The following USP19 variants were observed in gnomAD, a reference collection of about 807,000 sequenced individuals.
USP19 encodes the protein ubiquitin carboxyl-terminal hydrolase 19.
In USP19, 40 loss-of-function variants were observed where a neutral mutation model predicts 144.8. The observed-to-expected ratio is 0.28, with a 90% CI of 0.21 to 0.36. The LOEUF (loss-of-function observed/expected upper bound fraction) is 0.36, where lower values mean the gene tolerates loss of function less well. Among genes scored for constraint, USP19 ranks in the 10% least tolerant of loss-of-function variants. The pLI is 1.00. For synonymous variants in USP19, 701 were observed against 709.3 expected, an observed-to-expected ratio of 0.99 and a Z score of 0.19; for missense variants, 1,518 against 1,822.5, an observed-to-expected ratio of 0.83 and a Z score of 3.04.
rs2043236557 is a variant in USP19 at position 49,112,045 on chromosome 3, G to C, written c.2769C>G (p.Leu923=). ...RCYRVGYCNQ[L]CQKTHWPDHK... Reference sequence around the variant, plus strand: ...GGTCAGGCCAGTGGGTTTTCTGGCAGAGCCTGACGGGAAGAGGAAGACAAG... The same window carrying C: ...GGTCAGGCCAGTGGGTTTTCTGGCACAGCCTGACGGGAAGAGGAAGACAAG... The change falls in exon 20 of 27, where the codon CTC becomes CTG. Residue 923 remains leucine (L), a synonymous_variant. Coordinates refer to ENST00000417901, the MANE Select transcript of USP19 (RefSeq NM_001199161.2). This position sits in a 1 kb window ranked among gnomAD's most constrained non-coding sequence, Gnocchi z 4.9. The C allele has an allele frequency of 3.7e-6, 6 of 1,613,862 alleles. No homozygotes were observed. In the South Asian group the frequency reaches 4.4e-5, roughly 12 times the overall value.
chr3:49,118,525 G>A lies in USP19; in HGVS notation c.125-405C>T, dbSNP rs530468334. Among the ~76,000 whole-genome samples the A allele has an allele frequency of 3.4e-4, 52 of 150,956 alleles. 1 individual carries two copies. Among genetic ancestry groups the A allele is most frequent in the Admixed American group, 2.4e-3 (36 of 15,134 alleles). ...CACTTGAACCCGGGAGGCAGAGCCC[G>A]CAGTGAGCCAAGACGCCACTACACT... On this transcript the variant is annotated intron_variant, in intron 2 of 26. Transcript: ENST00000417901.
chr3:49,114,615 G>T lies in USP19; in HGVS notation c.2292+148C>A. 1.2e-6 allele frequency: 1 copy of T among 846,952 alleles called. No individual in the cohort carries two copies. The highest frequency in any genetic ancestry group is 1.8e-6 in the Non-Finnish European group (1 of 543,900). 52.5% of individuals were successfully genotyped at this position (846,952 alleles called of 1,614,324 possible). Reference sequence around the variant, plus strand: ...AAGCCTACCCTGAGTGGGCTCTTCAGCCCAAATAGAATCCTAAGGCCTCCC... The same window carrying T: ...AAGCCTACCCTGAGTGGGCTCTTCATCCCAAATAGAATCCTAAGGCCTCCC... On this transcript the variant is annotated intron_variant, in intron 15 of 26. Coordinates refer to ENST00000417901, the MANE Select transcript of USP19 (RefSeq NM_001199161.2). The surrounding 1 kb of genome is among the most constrained non-coding windows in gnomAD (Gnocchi z 4.5).
At position 49,111,049 on chromosome 3, in the gene USP19, G is replaced by A; in HGVS notation, c.3446C>T (p.Pro1149Leu). Residue 1149 changes from proline (P) to leucine (L), a missense_variant, in exon 23 of 27, where the codon CCA (proline) becomes CTA (leucine). Transcript: ENST00000417901. The surrounding 1 kb of genome is among the most constrained non-coding windows in gnomAD (Gnocchi z 5.9). ...CCGGGCAGCCTCACCGGCAGAGCCTGGATCCTCAGCACATTCCAGCTCCTT... is the reference window on the plus strand; with the variant it reads ...CCGGGCAGCCTCACCGGCAGAGCCTAGATCCTCAGCACATTCCAGCTCCTT... Reference protein sequence around the residue: ...ASKELECAEDPGSAGEAARAG... With the variant: ...ASKELECAEDLGSAGEAARAG... 6.2e-7 allele frequency: 1 copy of A among 1,614,088 alleles called. No homozygotes were observed. The highest frequency in any genetic ancestry group is 8.5e-7 in the Non-Finnish European group (1 of 1,180,030).
chr3:49,119,406 T>A, intron 1 of USP19, 125 bp from the exon 2 acceptor site: 1 of 407,990 alleles, frequency 2.5e-6, no homozygotes. Flanking sequence ...TAAGTACCCC[T>A]GGACACTCTC....
In USP19 at chr3:49,111,433, A is replaced by G. The variant is rs2043132136; in HGVS notation, c.3217+67T>C. 2 of 1,613,396 alleles carry G rather than the reference A, an allele frequency of 1.2e-6. No homozygotes were observed. Among genetic ancestry groups the G allele is most frequent in the Non-Finnish European group, 1.7e-6 (2 of 1,179,790 alleles). On this transcript the variant is annotated intron_variant, in intron 21 of 26. Transcript: ENST00000417901. This position sits in a 1 kb window ranked among gnomAD's most constrained non-coding sequence, Gnocchi z 5.9. Reference sequence around the variant, plus strand: ...GCCTCACCAGGCCCACCAGGCCCTAAACAACAGCCCCCTCCATCCTCCCTT... The same window carrying G: ...GCCTCACCAGGCCCACCAGGCCCTAGACAACAGCCCCCTCCATCCTCCCTT...
Position 49,110,178 on chromosome 3 carries a change from C to A in USP19, c.4038+6G>T, listed in dbSNP as rs768858277. The A allele has an allele frequency of 2.0e-6, 3 of 1,514,848 alleles. No individual in the cohort carries two copies. The highest frequency in any genetic ancestry group is 4.5e-5 in the Admixed American group (2 of 44,138). The allele number at this position is 1,514,848 out of a possible 1,614,324, so 93.8% of individuals were successfully genotyped here. On this transcript the variant is annotated splice_donor_region_variant and intron_variant, in intron 26 of 26. Transcript: ENST00000417901. The surrounding 1 kb of genome is among the most constrained non-coding windows in gnomAD (Gnocchi z 6.1). The stretch of plus-strand genomic sequence containing the variant: ...AGTATTCTGTAAAGCCTCCCACATG[C>A]CTCACCTGGCTGGCAGCAGCCTCAG...
chr3:49,110,812 T>C lies in USP19; in HGVS notation c.3597A>G (p.Leu1199=), dbSNP rs748155148. ...CGATGAGAACATTTGGCAGGCGCCA[T>C]AGCAACAGCTGCTTGGAGGCCTCAC... ...QHREASKQLL[L]WRLPNVLIVQ... The change falls in exon 24 of 27, where the codon CTA becomes CTG. Residue 1199 remains leucine, a synonymous_variant. Coordinates refer to ENST00000417901, the MANE Select transcript of USP19 (RefSeq NM_001199161.2). The surrounding 1 kb of genome is among the most constrained non-coding windows in gnomAD (Gnocchi z 6.1). The C allele has an allele frequency of 3.7e-6, 6 of 1,614,074 alleles. No individual in the cohort carries two copies. The highest frequency in any genetic ancestry group is 4.5e-5 in the East Asian group (2 of 44,898).
rs971669278 is a variant in USP19 at position 49,108,587 on chromosome 3, G to A, written c.4039-59C>T. On this transcript the variant is annotated intron_variant, in intron 26 of 26. Coordinates refer to ENST00000417901, the MANE Select transcript of USP19 (RefSeq NM_001199161.2). The surrounding 1 kb of genome is among the most constrained non-coding windows in gnomAD (Gnocchi z 4.8). ...TGCCCAGCATGCCGCCTGGCATCCCGGGGGTGCTGGCTTGGAGCCCTGGCA... is the reference window on the plus strand; with the variant it reads ...TGCCCAGCATGCCGCCTGGCATCCCAGGGGTGCTGGCTTGGAGCCCTGGCA... The A allele has an allele frequency of 5.9e-5, 74 of 1,254,080 alleles. No homozygotes were observed. The highest frequency in any genetic ancestry group is 1.3e-4 in the East Asian group (4 of 29,816). The allele number at this position is 1,254,080 out of a possible 1,614,324, so 77.7% of individuals were successfully genotyped here.
chr3:49,111,012 G>C lies in USP19; in HGVS notation c.3483C>G (p.Phe1161Leu). 6.2e-7 allele frequency: 1 copy of C among 1,614,048 alleles called. No individual in the cohort carries two copies. The highest frequency in any genetic ancestry group is 1.1e-5 in the South Asian group (1 of 91,084). Reference sequence around the variant, plus strand: ...AGAGGTTGAGGCACTGGTCCAGGGTGAAGTGGCCGGCCCGGGCAGCCTCAC... The same window carrying C: ...AGAGGTTGAGGCACTGGTCCAGGGTCAAGTGGCCGGCCCGGGCAGCCTCAC... ...SAGEAARAGH[F>L]TLDQCLNLFT... The change falls in exon 23 of 27, where the codon TTC becomes TTG. Residue 1161 changes from phenylalanine to leucine, a missense_variant. By Grantham distance (22) the Phe-to-Leu change is conservative. Coordinates refer to ENST00000417901, the MANE Select transcript of USP19 (RefSeq NM_001199161.2). This position sits in a 1 kb window ranked among gnomAD's most constrained non-coding sequence, Gnocchi z 5.9.
intron 1 of USP19, 144 bp from the exon 2 acceptor site, chr3:49,119,425 C>T (rs2044758978): frequency 3.0e-6 from 1 of 334,978 alleles, no homozygotes; most frequent in Non-Finnish European, 5.4e-6. Flanking sequence ...TCAGGATATT[C>T]TGAAGAGGTA....
chr3:49,117,761 C>T lies in USP19; in HGVS notation c.368G>A (p.Ser123Asn). 8.7e-6 allele frequency: 14 copies of T among 1,614,192 alleles called. No individual in the cohort carries two copies. The highest frequency in any genetic ancestry group is 1.2e-5 in the Non-Finnish European group (14 of 1,180,040). ...TPELLLDWRQ[S>N]AEEVIVKLRV... ...AAGCTTGACAATCACCTCTTCTGCACTCTGCCTCCAATCGAGCAACAACTC... is the reference window on the plus strand; with the variant it reads ...AAGCTTGACAATCACCTCTTCTGCATTCTGCCTCCAATCGAGCAACAACTC... Residue 123 changes from serine to asparagine, a missense_variant, in exon 4 of 27, where the codon AGT (serine) becomes AAT (asparagine). Physicochemically the swap from Ser to Asn is conservative, Grantham distance 46. This residue lies in a region of USP19 where 707 missense variants were observed against 728.9 expected (regional missense o/e 0.97). Transcript: ENST00000417901. The surrounding 1 kb of genome is among the most constrained non-coding windows in gnomAD (Gnocchi z 4.4).
rs1478016999 is a variant in USP19 at position 49,117,022 on chromosome 3, C to A, written c.909+37G>T. The stretch of plus-strand genomic sequence containing the variant: ...CCACTCCAGTGCACACCCTTTCCCC[C>A]CATCTCCTAACACCCAAACAGGTGC... On this transcript the variant is annotated intron_variant, in intron 6 of 26. Coordinates refer to ENST00000417901, the MANE Select transcript of USP19 (RefSeq NM_001199161.2). This position sits in a 1 kb window ranked among gnomAD's most constrained non-coding sequence, Gnocchi z 4.4. 1 of 1,534,624 alleles carries A rather than the reference C, an allele frequency of 6.5e-7. No individual in the cohort carries two copies. Among genetic ancestry groups the A allele is most frequent in the East Asian group, 2.4e-5 (1 of 41,776 alleles).
chr3:49,120,290 G>A (rs1288541369), intron 1 of USP19, among the ~76,000 whole-genome samples: 4 of 152,206 alleles, frequency 2.6e-5, no homozygotes, highest in African/African-American at 9.7e-5. Context: ...CCTTCTACAG[G>A]TCAGATGTGG....
At chr3:49,113,304 T>C (rs1307822811) in intron 17 of USP19, among the ~76,000 whole-genome samples, 1 of 152,220 alleles carries the variant, frequency 6.6e-6, no homozygotes, top group African/African-American at 2.4e-5. Context: ...TGAGACAGAG[T>C]CTCACTCTGT....
chr3:49,111,058 G>C lies in USP19; in HGVS notation c.3437C>G (p.Ala1146Gly), dbSNP rs1173125662. 3.1e-6 allele frequency: 5 copies of C among 1,614,058 alleles called. No homozygotes were observed. In the South Asian group the frequency reaches 5.5e-5, roughly 18 times the overall value. The change falls in exon 23 of 27, where the codon GCT becomes GGT. Residue 1146 changes from alanine (A) to glycine (G), a missense_variant. Transcript: ENST00000417901. This position sits in a 1 kb window ranked among gnomAD's most constrained non-coding sequence, Gnocchi z 5.9. ...VLVASKELECAEDPGSAGEAA... is the reference protein window; with the variant it reads ...VLVASKELECGEDPGSAGEAA... ...CTCACCGGCAGAGCCTGGATCCTCA[G>C]CACATTCCAGCTCCTTGGAGGCTAC...
chr3:49,112,561 A>G lies in USP19; in HGVS notation c.2574T>C (p.Asp858=), dbSNP rs753784937. 8 of 1,614,002 alleles carry G rather than the reference A, an allele frequency of 5.0e-6. No homozygotes were observed. Among genetic ancestry groups the G allele is most frequent in the Non-Finnish European group, 5.9e-6 (7 of 1,179,986 alleles). Residue 858 remains aspartate, a synonymous_variant, in exon 18 of 27, where the codon GAT becomes GAC. Transcript: ENST00000417901. The surrounding 1 kb of genome is among the most constrained non-coding windows in gnomAD (Gnocchi z 4.9). The stretch of plus-strand genomic sequence containing the variant: ...ATAGCAGCTCAAAGCAGAGGAGCGT[A>G]TCAGATGGGGACACAGTGTCCAGTG... ...SHSLDTVSPS[D]TLLCFELLSS...
At position 49,110,408 on chromosome 3, in the gene USP19, C is replaced by T. The variant is rs1461332451; in HGVS notation, c.3859+36G>A. On this transcript the variant is annotated intron_variant, in intron 25 of 26. Coordinates refer to ENST00000417901, the MANE Select transcript of USP19 (RefSeq NM_001199161.2). The surrounding 1 kb of genome is among the most constrained non-coding windows in gnomAD (Gnocchi z 6.1). ...TGTGAACAAAGTCTGCACCACCACC[C>T]CTACCACCTATCCTGCTGGCTGTGT... 6.2e-6 allele frequency: 10 copies of T among 1,608,708 alleles called. No homozygotes were observed. The highest frequency in any genetic ancestry group is 8.5e-6 in the Non-Finnish European group (10 of 1,176,574).
rs768147710 is a variant in USP19 at position 49,117,774 on chromosome 3, C to A, written c.355G>T (p.Asp119Tyr). Residue 119 changes from aspartate (D) to tyrosine (Y), a missense_variant, in exon 4 of 27, where the codon GAT becomes TAT. Asp to Tyr is a radical substitution (Grantham distance 160, BLOSUM62 -3). Transcript: ENST00000417901. The surrounding 1 kb of genome is among the most constrained non-coding windows in gnomAD (Gnocchi z 4.4). ...ACCTCTTCTGCACTCTGCCTCCAAT[C>A]GAGCAACAACTCTGGAGTGGGAGTA... The part of the protein sequence containing the change: ...LATPTPELLL[D>Y]WRQSAEEVIV... 1.9e-6 allele frequency: 3 copies of A among 1,614,072 alleles called. No homozygotes were observed. Among genetic ancestry groups the A allele is most frequent in the Non-Finnish European group, 2.5e-6 (3 of 1,180,044 alleles).
chr3:49,110,606 T>G lies in USP19; in HGVS notation c.3699-2A>C. 1 of 1,613,798 alleles carries G rather than the reference T, an allele frequency of 6.2e-7. No homozygotes were observed. Among genetic ancestry groups the G allele is most frequent in the Non-Finnish European group, 8.5e-7 (1 of 1,179,944 alleles). ...CAGAACTTGCTCAGGTCCAGGTTCC[T>G]GCAGGTCAGGTCCAGTCAGGGAGGG... On this transcript the variant is annotated splice_acceptor_variant, in intron 24 of 26. Transcript: ENST00000417901. LOFTEE classifies it high-confidence loss of function. The surrounding 1 kb of genome is among the most constrained non-coding windows in gnomAD (Gnocchi z 6.1).
Sources: allele counts gnomAD v4.1 joint callset (sites outside exome capture counted in the v4.1 genomes callset), GRCh38; gene constraint gnomAD v4.1.1; regional missense constraint gnomAD v4.1.1; non-coding constraint Gnocchi (gnomAD v3.1); transcripts MANE v1.5; gene names NCBI Gene and HGNC (gene_info 2026-07-23, HGNC 2026-07-21).